PNPLA7: variants seen among roughly 807,000 people sequenced by gnomAD.
PNPLA7 encodes the protein patatin like domain 7, lysophospholipase, also known as patatin-like phospholipase domain-containing protein 7.
A neutral mutation model predicts 161.7 loss-of-function variants in PNPLA7; 153 were observed. The ratio of observed to expected loss-of-function variants is 0.95; its 90% CI spans 0.83 to 1.08. The LOEUF (loss-of-function observed/expected upper bound fraction) is 1.08, where lower values mean the gene tolerates loss of function less well. Among genes scored for constraint, PNPLA7 ranks in the 50% least tolerant of loss-of-function variants. PNPLA7 has a pLI of 0.00. For synonymous variants in PNPLA7, 809 were observed against 782.1 expected (o/e 1.03, Z -0.57); for missense variants, 1,739 against 1,856.6 (o/e 0.94, Z 1.16).
chr9:137,467,239 C>T lies in PNPLA7; in HGVS notation c.3039+78G>A. Reference sequence around the variant, plus strand: ...GGCCCTGCAGAGCCACATGCAGAGGCCAACGGCCCCAGCGTCCCCCAGCAC... The same window carrying T: ...GGCCCTGCAGAGCCACATGCAGAGGTCAACGGCCCCAGCGTCCCCCAGCAC... On this transcript the variant is annotated intron_variant, in intron 26 of 34. Coordinates refer to ENST00000406427, the MANE Select transcript of PNPLA7 (RefSeq NM_001098537.3). This position sits in a 1 kb window ranked among gnomAD's most constrained non-coding sequence, Gnocchi z 5.1. 6.7e-7 allele frequency: 1 copy of T among 1,501,454 alleles called. No individual in the cohort carries two copies. The allele number at this position is 1,501,454 out of a possible 1,614,324, so 93.0% of individuals were successfully genotyped here.
At chr9:137,529,542 G>A (rs1048793400) in intron 8 of PNPLA7, among the ~76,000 whole-genome samples, 1 of 152,168 alleles carries the variant, frequency 6.6e-6, no homozygotes, top group African/African-American at 2.4e-5. Flanking sequence ...TGTATCTGTG[G>A]ATGGTGGATT....
At chr9:137,535,808 A>C (rs1274542533) in intron 8 of PNPLA7, among the ~76,000 whole-genome samples, 2 of 151,868 alleles carry the variant, frequency 1.3e-5, no homozygotes, top group Non-Finnish European at 2.9e-5. Flanking sequence ...TATGACAGAA[A>C]TTAAAAATTC....
Position 137,493,017 on chromosome 9 carries a change from C to T in PNPLA7, c.2193G>A (p.Val731=). The part of the protein sequence containing the change: ...KILGSLQQGP[V]TGHQLGLPTE... ...GGGTTGGGAGAGGTGACCCACCTGT[C>T]ACAGGTCCCTGCTGGAGGCTGCCCA... The change falls in exon 20 of 35, where the codon GTG becomes GTA. Residue 731 remains valine, a synonymous_variant. Transcript: ENST00000406427. 1 of 1,613,532 alleles carries T rather than the reference C, an allele frequency of 6.2e-7. No individual in the cohort carries two copies. Among genetic ancestry groups the T allele is most frequent in the South Asian group, 1.1e-5 (1 of 91,080 alleles).
chr9:137,547,554 G>A lies in PNPLA7; in HGVS notation c.105+31C>T, dbSNP rs765193926. ...GTGAAAAAGGCCACGGCCCATCCAGGTCTGGCTCCAGGGAAGCGTGAGGTG... is the reference window on the plus strand; with the variant it reads ...GTGAAAAAGGCCACGGCCCATCCAGATCTGGCTCCAGGGAAGCGTGAGGTG... On this transcript the variant is annotated intron_variant, in intron 2 of 34. Coordinates refer to ENST00000406427, the MANE Select transcript of PNPLA7 (RefSeq NM_001098537.3). The surrounding 1 kb of genome is among the most constrained non-coding windows in gnomAD (Gnocchi z 4.6). 1.9e-6 allele frequency: 3 copies of A among 1,611,504 alleles called. No individual in the cohort carries two copies. The highest frequency in any genetic ancestry group is 1.6e-4 in the Middle Eastern group (1 of 6,084).
In PNPLA7 at chr9:137,460,431, G is replaced by A; in HGVS notation, c.3991C>T (p.Pro1331Ser). The change falls in exon 35 of 35, where the codon CCA becomes TCA. Residue 1331 changes from proline to serine, a missense_variant. By Grantham distance (74) the Pro-to-Ser change is moderately conservative (BLOSUM62 -1). This residue lies in a region of PNPLA7 where 703 missense variants were observed against 694.6 expected (regional missense o/e 1.01). Coordinates refer to ENST00000406427, the MANE Select transcript of PNPLA7 (RefSeq NM_001098537.3). The stretch of plus-strand genomic sequence containing the variant: ...TCAGAGGAGCCCTCAGACAGTTTTG[G>A]GAAAGCCAGACTGGGGTGTCGATGC... ...LRHRHPSLAF[P>S]KLSEGSSDQD... 1.9e-6 allele frequency: 3 copies of A among 1,612,708 alleles called. No individual in the cohort carries two copies. The highest frequency in any genetic ancestry group is 2.2e-5 in the East Asian group (1 of 44,878).
chr9:137,464,422 A>G lies in PNPLA7; in HGVS notation c.3074T>C (p.Leu1025Pro). 6.2e-7 allele frequency: 1 copy of G among 1,613,774 alleles called. No individual in the cohort carries two copies. The stretch of plus-strand genomic sequence containing the variant: ...GAACATGGACGTGATGGGGTAGGTG[A>G]GGTCCAGCGCGGCCTTCATCAAGGA... ...MTSLMKAALDLTYPITSMFSG... is the reference protein window; with the variant it reads ...MTSLMKAALDPTYPITSMFSG... Residue 1025 changes from leucine to proline, a missense_variant, in exon 27 of 35, where the codon CTC (leucine) becomes CCC (proline). Coordinates refer to ENST00000406427, the MANE Select transcript of PNPLA7 (RefSeq NM_001098537.3).
At chr9:137,494,076 A>C (rs1161039536) in intron 19 of PNPLA7, among the ~76,000 whole-genome samples, 1 of 152,140 alleles carries the variant, frequency 6.6e-6, no homozygotes, top group Non-Finnish European at 1.5e-5. Flanking sequence ...CTGGCCGTAA[A>C]AGGCCCTGCA....
At chr9:137,518,795 C>T (rs1474366644) in intron 11 of PNPLA7, among the ~76,000 whole-genome samples, 5 of 68,748 alleles carry the variant, frequency 7.3e-5, no homozygotes, top group South Asian at 8.1e-4. Flanking sequence ...CACTCACTCA[C>T]TCCACTCTGT....
At chr9:137,509,940 A>G (rs1248044036) in intron 12 of PNPLA7, 1 of 332,682 alleles carries the variant, frequency 3.0e-6, no homozygotes, top group Non-Finnish European at 6.0e-6. Context: ...ATATTATAAT[A>G]ATCCTCGCTC....
chr9:137,511,635 G>T (rs1834244090), intron 12 of PNPLA7, among the ~76,000 whole-genome samples: 1 of 152,230 alleles, frequency 6.6e-6, no homozygotes, highest in African/African-American at 2.4e-5. Context: ...TGCTCCACCA[G>T]TTCTTGTGGG....
chr9:137,542,801 C>G lies in PNPLA7; in HGVS notation c.507G>C (p.Arg169=), dbSNP rs755726652. 193 of 1,609,508 alleles carry G rather than the reference C, an allele frequency of 1.2e-4. No homozygotes were observed. In the South Asian group the frequency reaches 2.1e-3, roughly 17 times the overall value. ...GCGGCTTCTCAAAGTGGCCCAGGACCCTGCAAGAGCCAGAGGGCACTGTGG... is the reference window on the plus strand; with the variant it reads ...GCGGCTTCTCAAAGTGGCCCAGGACGCTGCAAGAGCCAGAGGGCACTGTGG... ...SEVLYMLKNV[R]VLGHFEKPLF... is the part of the protein sequence containing the mutation. Residue 169 remains arginine, a splice_region_variant and synonymous_variant, in exon 7 of 35, where the codon CGG becomes CGC. Transcript: ENST00000406427.
Position 137,460,703 on chromosome 9 carries a change from C to G in PNPLA7, c.3876G>C (p.Glu1292Asp). Reference sequence around the variant, plus strand: ...ATGCATCCCTGGGGACGTCCAGCAGCTCCTCCTCGTACTCCGTCTGGTAGT... The same window carrying G: ...ATGCATCCCTGGGGACGTCCAGCAGGTCCTCCTCGTACTCCGTCTGGTAGT... ...ESDYQTEYEE[E>D]LLDVPRDAYA... Residue 1292 changes from glutamate (E) to aspartate (D), a missense_variant, in exon 34 of 35, where the codon GAG (glutamate) becomes GAC (aspartate). This residue lies in a region of PNPLA7 where 703 missense variants were observed against 694.6 expected (regional missense o/e 1.01). Transcript: ENST00000406427. The G allele has an allele frequency of 6.2e-7, 1 of 1,612,864 alleles. No homozygotes were observed. The highest frequency in any genetic ancestry group is 8.5e-7 in the Non-Finnish European group (1 of 1,179,930).
intron 26 of PNPLA7, among the ~76,000 whole-genome samples, chr9:137,465,162 T>C (rs1213731753): frequency 6.6e-6 from 1 of 152,018 alleles, no homozygotes; most frequent in African/African-American, 2.4e-5. Context: ...GCTTACACCG[T>C]GTGATGCAGG....
Position 137,461,963 on chromosome 9 carries a change from G to T in PNPLA7, c.3724C>A (p.Gln1242Lys), listed in dbSNP as rs530750844. 1.3e-6 allele frequency: 2 copies of T among 1,595,164 alleles called. No homozygotes were observed. The highest frequency in any genetic ancestry group is 8.5e-7 in the Non-Finnish European group (1 of 1,174,612). Reference protein sequence around the residue: ...SGVLEKMLRDQQGPSKKPASA... With the variant: ...SGVLEKMLRDKQGPSKKPASA... ...GCGGGCTTCTTGCTCGGCCCCTGCTGGTCGCGGAGCATCTTCTCCAGCACG... is the reference window on the plus strand; with the variant it reads ...GCGGGCTTCTTGCTCGGCCCCTGCTTGTCGCGGAGCATCTTCTCCAGCACG... Residue 1242 changes from glutamine (Q) to lysine (K), a missense_variant, in exon 32 of 35, where the codon CAG becomes AAG. Gln to Lys is a moderately conservative substitution (Grantham distance 53). Transcript: ENST00000406427.
intron 12 of PNPLA7, among the ~76,000 whole-genome samples, chr9:137,511,091 C>T (rs749714379): frequency 2.6e-5 from 4 of 152,218 alleles, no homozygotes; most frequent in Admixed American, 6.5e-5. Flanking sequence ...AGATAAGGGC[C>T]GCTTGAGGGC....
chr9:137,549,869 T>C (rs933688177), intron 1 of PNPLA7, among the ~76,000 whole-genome samples: 7 of 151,996 alleles, frequency 4.6e-5, no homozygotes, highest in Non-Finnish European at 1.0e-4. Flanking sequence ...ACTGTGACCT[T>C]AGGGGAAGAA....
chr9:137,505,986 G>C lies in PNPLA7; in HGVS notation c.1323C>G (p.Ser441Arg). The C allele has an allele frequency of 6.2e-7, 1 of 1,608,608 alleles. No homozygotes were observed. Among genetic ancestry groups the C allele is most frequent in the African/African-American group, 1.3e-5 (1 of 74,982 alleles). Residue 441 changes from serine (S) to arginine (R), a missense_variant, in exon 13 of 35, where the codon AGC becomes AGG. Transcript: ENST00000406427. ...SDEHPGSSVA[S>R]KSRKSVMVAE... ...GAGAATGACAGCCAGGGCCTACCTTGCTGGCCACGGAGCTCCCGGGGTGCT... is the reference window on the plus strand; with the variant it reads ...GAGAATGACAGCCAGGGCCTACCTTCCTGGCCACGGAGCTCCCGGGGTGCT...
At chr9:137,530,533 C>G (rs539797026) in intron 8 of PNPLA7, among the ~76,000 whole-genome samples, 178 of 152,334 alleles carry the variant, frequency 1.2e-3, no homozygotes, top group Non-Finnish European at 2.1e-3. Context: ...AAGCAGAACC[C>G]TCGTGGGTGG....
chr9:137,534,486 A>C (rs821308), intron 8 of PNPLA7, among the ~76,000 whole-genome samples: 6,066 of 152,132 alleles, frequency 0.04, 313 homozygotes, highest in African/African-American at 0.12. Flanking sequence ...TCCAGATGGG[A>C]GCACTCCCAG....
Sources: gnomAD v4.1 joint callset for allele counts (sites outside exome capture counted in the v4.1 genomes callset) on GRCh38, gnomAD v4.1.1 for gene constraint, gnomAD v4.1.1 regional missense constraint, Gnocchi (gnomAD v3.1) non-coding constraint, MANE v1.5 for transcripts, NCBI Gene and HGNC (gene_info 2026-07-23, HGNC 2026-07-21) for gene names.